PLXNB3: variants seen among roughly 807,000 people sequenced by gnomAD.
The protein encoded by PLXNB3 is plexin-B3.
A neutral mutation model predicts 125.7 loss-of-function variants in PLXNB3; 80 were observed. The observed-to-expected ratio is 0.64, with a 90% CI of 0.53 to 0.77. PLXNB3 has a LOEUF of 0.77. Among genes scored for constraint, PLXNB3 ranks in the 30% least tolerant of loss-of-function variants. The pLI is 0.00. For missense variants in PLXNB3, 1,836 were observed against 1,729.3 expected (o/e 1.06, Z -1.09); for synonymous variants, 954 against 783.3 (o/e 1.22, Z -3.64).
Position 153,773,034 on chromosome X carries a change from T to A in PLXNB3, c.2906+18T>A, listed in dbSNP as rs781992745. 55 of 1,153,706 alleles carry A rather than the reference T, an allele frequency of 4.8e-5. No homozygotes were observed. Among genetic ancestry groups the A allele is most frequent in the Non-Finnish European group, 5.4e-5 (47 of 870,054 alleles). ...TGTCCCATGTGAGTCCCGGCCTGGC[T>A]GCCGTCGGGTGGTGGGCACTCCCAT... On this transcript the variant is annotated intron_variant, in intron 17 of 35. Transcript: ENST00000361971.
intron 2 of PLXNB3, chrX:153,766,206 C>T (rs942700546): frequency 6.1e-6 from 7 of 1,152,489 alleles, no homozygotes; most frequent in Non-Finnish European, 8.1e-6. Context: ...GAGCTGGGCG[C>T]CAGCATGGAG....
In PLXNB3 at chrX:153,770,533, G is replaced by A. The variant is rs781861323; in HGVS notation, c.1901G>A (p.Arg634His). 9.3e-5 allele frequency: 113 copies of A among 1,209,740 alleles called. No individual in the cohort carries two copies. Among genetic ancestry groups the A allele is most frequent in the South Asian group, 6.3e-4 (36 of 56,808 alleles). ...VQALEAAAPC[R>H]ACVGSIWRCH... ...CAGCCACCCTGCCCCTCTAGGTGTC[G>A]CGCTTGCGTGGGCAGCATCTGGCGG... The change falls in exon 10 of 36, where the codon CGC becomes CAC. Residue 634 changes from arginine (R) to histidine (H), a missense_variant. Physicochemically the swap from Arg to His is conservative, Grantham distance 29. Coordinates refer to ENST00000361971, the MANE Select transcript of PLXNB3 (RefSeq NM_005393.3).
chrX:153,764,606 C>T (rs1352581555), intron 1 of PLXNB3, among the ~76,000 whole-genome samples: 7 of 113,191 alleles, frequency 6.2e-5, no homozygotes, highest in Non-Finnish European at 9.4e-5. Flanking sequence ...AGCCACCCAA[C>T]TGGCCCAGCC....
chrX:153,774,784 CCAGTGCCGCAAGGAGTTCA>C lies in PLXNB3; in HGVS notation c.3913_3931del (p.Cys1305ThrfsTer3). The C allele has an allele frequency of 8.3e-7, 1 of 1,207,475 alleles. No homozygotes were observed. Among genetic ancestry groups the C allele is most frequent in the Non-Finnish European group, 1.1e-6 (1 of 893,416 alleles). On this transcript the variant is annotated frameshift_variant, in exon 23 of 36. Transcript: ENST00000361971. LOFTEE classifies it high-confidence loss of function. Reference sequence around the variant, plus strand: ...AGAGCCTGGAGACCGGCGTGGGAGACCAGTGCCGCAAGGAGTTCACAGGTGGGTGCGGAGGCGGGGGGAC... The same window carrying C: ...AGAGCCTGGAGACCGGCGTGGGAGACCAGGTGGGTGCGGAGGCGGGGGGAC...
Position 153,767,241 on chromosome X carries a change from C to A in PLXNB3, c.414C>A (p.Gly138=), listed in dbSNP as rs1216014384. The A allele has an allele frequency of 3.0e-5, 36 of 1,204,504 alleles. No homozygotes were observed. The East Asian group carries it at 1.0e-3, about 34-fold the overall frequency. Residue 138 remains glycine (G), a synonymous_variant, in exon 3 of 36, where the codon GGC becomes GGA. Transcript: ENST00000361971. ...TGGCCTGCGGGCAGGTGCGGCAGGG[C>A]GTGTGTGAGACACGGCGCCTTGGGG... ...ELVACGQVRQ[G]VCETRRLGDV... is the part of the protein sequence containing the mutation.
intron 2 of PLXNB3, chrX:153,766,601 T>A: frequency 9.5e-7 from 1 of 1,051,734 alleles, no homozygotes; most frequent in Non-Finnish European, 1.2e-6. Context: ...GATGAAAGAA[T>A]TCTGTCCTTG....
Position 153,771,629 on chromosome X carries a change from C to G in PLXNB3, c.2491C>G (p.Leu831Val). The G allele has an allele frequency of 8.4e-7, 1 of 1,196,965 alleles. No individual in the cohort carries two copies. Among genetic ancestry groups the G allele is most frequent in the Admixed American group, 2.2e-5 (1 of 45,078 alleles). The change falls in exon 14 of 36, where the codon CTG becomes GTG. Residue 831 changes from leucine to valine, a missense_variant. Physicochemically the swap from Leu to Val is conservative, Grantham distance 32 (BLOSUM62 1). Transcript: ENST00000361971. Reference sequence around the variant, plus strand: ...GTGCCCGCCGGGGGCTGTGGAGCTGCTGTGTCCTGCGCCCAGCATTGATGC... The same window carrying G: ...GTGCCCGCCGGGGGCTGTGGAGCTGGTGTGTCCTGCGCCCAGCATTGATGC... ...PLCPPGAVEL[L>V]CPAPSIDAVE...
chrX:153,770,695 C>CCCTT (rs1557061483), intron 10 of PLXNB3, 53 bp downstream of exon 10: 2 of 1,205,805 alleles, frequency 1.7e-6, no homozygotes, highest in Non-Finnish European at 2.2e-6. Context: ...CTCCACCCTT[C>CCCTT]CCAGACCCGC....
At position 153,771,538 on chromosome X, in the gene PLXNB3, G is replaced by A. The variant is rs782510404; in HGVS notation, c.2400G>A (p.Ala800=). Residue 800 remains alanine (A), a synonymous_variant, in exon 14 of 36, where the codon GCG becomes GCA. Transcript: ENST00000361971. ...MGHPDCSHCQ[A]ANRSLGCLWC... ...ACCCGGACTGCAGCCACTGCCAAGCGGCCAACAGGAGCCTGGGCTGCCTGT... is the reference window on the plus strand; with the variant it reads ...ACCCGGACTGCAGCCACTGCCAAGCAGCCAACAGGAGCCTGGGCTGCCTGT... 6.0e-5 allele frequency: 72 copies of A among 1,206,615 alleles called. No individual in the cohort carries two copies. The highest frequency in any genetic ancestry group is 8.9e-5 in the East Asian group (3 of 33,752).
intron 16 of PLXNB3, 28 bp from the exon 17 acceptor site, chrX:153,772,858 T>C (rs782445627): frequency 5.2e-5 from 56 of 1,083,123 alleles, no homozygotes; most frequent in Non-Finnish European, 6.6e-5. Context: ...TGGGCTGCCG[T>C]GCCTACCCAG....
Position 153,777,313 on chromosome X carries a change from G to A in PLXNB3, c.5033G>A (p.Arg1678Gln), listed in dbSNP as rs782412893. ...GCCAAGGTGCGGTGCAGCAGCCTGCGGGAGCGCGAGCCAGCAAGGGCCAAG... is the reference window on the plus strand; with the variant it reads ...GCCAAGGTGCGGTGCAGCAGCCTGCAGGAGCGCGAGCCAGCAAGGGCCAAG... ...EGAKVRCSSL[R>Q]EREPARAKAI... Residue 1678 changes from arginine to glutamine, a missense_variant, in exon 30 of 36, where the codon CGG (arginine) becomes CAG (glutamine). Physicochemically the swap from Arg to Gln is conservative, Grantham distance 43 (BLOSUM62 1). Transcript: ENST00000361971. 11 of 1,206,832 alleles carry A rather than the reference G, an allele frequency of 9.1e-6. No individual in the cohort carries two copies. The highest frequency in any genetic ancestry group is 5.2e-5 in the African/African-American group (3 of 57,916).
chrX:153,768,468 G>A (rs1557060261), intron 4 of PLXNB3, 40 bp downstream of exon 4: 2 of 1,118,862 alleles, frequency 1.8e-6, no homozygotes, highest in East Asian at 3.2e-5. Flanking sequence ...GTGTGCCCCT[G>A]GCCACGGAGG....
intron 28 of PLXNB3, among the ~76,000 whole-genome samples, 170 bp from the exon 29 acceptor site, chrX:153,776,712 TGGGGG>T: frequency 3.1e-5 from 1 of 32,588 alleles, no homozygotes; most frequent in African/African-American, 1.6e-4. Context: ...GGGGCGGGGA[TGGGGG>T]GCGGGGCGGG....
intron 32 of PLXNB3, 26 bp downstream of exon 32, chrX:153,778,121 C>T: frequency 8.3e-7 from 1 of 1,210,324 alleles, no homozygotes; most frequent in Non-Finnish European, 1.1e-6. Context: ...GCAGCAGCAG[C>T]TGGCAGGGGC....
chrX:153,777,090 C>T, intron 29 of PLXNB3, 110 bp downstream of exon 29: 2 of 1,004,864 alleles, frequency 2.0e-6, no homozygotes, highest in South Asian at 2.3e-5. Flanking sequence ...AGATCTTCTG[C>T]CCATCTCCTT....
In PLXNB3 at chrX:153,773,355, A is replaced by G. The variant is rs2091954113; in HGVS notation, c.3032A>G (p.Tyr1011Cys). Residue 1011 changes from tyrosine (Y) to cysteine (C), a missense_variant, in exon 18 of 36, where the codon TAC becomes TGC. Physicochemically the swap from Tyr to Cys is radical, Grantham distance 194. Coordinates refer to ENST00000361971, the MANE Select transcript of PLXNB3 (RefSeq NM_005393.3). ...ACACTGCTCGCCAGCCCCTTCCGCT[A>G]CACCGCCAACCCCCAGCTTGTAGCG... ...QRTLLASPFRYTANPQLVAAE... is the reference protein window; with the variant it reads ...QRTLLASPFRCTANPQLVAAE... The G allele has an allele frequency of 8.3e-7, 1 of 1,207,122 alleles. No individual in the cohort carries two copies. The highest frequency in any genetic ancestry group is 1.8e-5 in the South Asian group (1 of 56,432).
Position 153,771,990 on chromosome X carries a change from C to T in PLXNB3, c.2644C>T (p.Pro882Ser), listed in dbSNP as rs1557062120. The change falls in exon 15 of 36, where the codon CCC becomes TCC. Residue 882 changes from proline to serine, a missense_variant. Transcript: ENST00000361971. ...SVASRPCNPEPSLYRTSARIV... is the reference protein window; with the variant it reads ...SVASRPCNPESSLYRTSARIV... ...GGCCAGCCGGCCCTGCAACCCTGAGCCCTCTCTCTACCGCACGTCGGCCCG... is the reference window on the plus strand; with the variant it reads ...GGCCAGCCGGCCCTGCAACCCTGAGTCCTCTCTCTACCGCACGTCGGCCCG... 1 of 1,203,343 alleles carries T rather than the reference C, an allele frequency of 8.3e-7. No individual in the cohort carries two copies. Among genetic ancestry groups the T allele is most frequent in the Non-Finnish European group, 1.1e-6 (1 of 891,187 alleles).
chrX:153,771,248 G>A (rs1557061746), intron 12 of PLXNB3, 62 bp from the exon 13 acceptor site: 11 of 999,633 alleles, frequency 1.1e-5, no homozygotes, highest in African/African-American at 7.5e-5. Flanking sequence ...GTGGCCCAGA[G>A]GAGACAAGAG....
chrX:153,774,432 A>G lies in PLXNB3; in HGVS notation c.3691A>G (p.Asn1231Asp). 1 of 1,194,197 alleles carries G rather than the reference A, an allele frequency of 8.4e-7. No individual in the cohort carries two copies. Among genetic ancestry groups the G allele is most frequent in the South Asian group, 1.8e-5 (1 of 54,819 alleles). Residue 1231 changes from asparagine (N) to aspartate (D), a missense_variant, in exon 22 of 36, where the codon AAT (asparagine) becomes GAT (aspartate). By Grantham distance (23) the Asn-to-Asp change is conservative. Transcript: ENST00000361971. ...GCCCGCCCCCCAGGTGCAGATGGGC[A>G]ATGTGCAGCTGGCCCTGGGCCCTGT... The part of the protein sequence containing the change: ...GLPQFVVQMG[N>D]VQLALGPVQY...
Sources: gnomAD v4.1 joint callset for allele counts (sites outside exome capture counted in the v4.1 genomes callset) on GRCh38, gnomAD v4.1.1 for gene constraint, MANE v1.5 for transcripts, NCBI Gene and HGNC (gene_info 2026-07-23, HGNC 2026-07-21) for gene names.